ABTB3: variants seen among roughly 807,000 people sequenced by gnomAD.
ABTB3 encodes ankyrin repeat and BTB domain containing 3.
chr12:107,637,893 A>T, the ABTB3 span, among the ~76,000 whole-genome samples: 5 of 151,634 alleles, frequency 3.3e-5, no homozygotes, highest in African/African-American at 1.2e-4. Context: ...AAGTAAAAGT[A>T]GAGGATATTA....
chr12:107,367,630 C>T, the ABTB3 span, among the ~76,000 whole-genome samples: 5 of 152,116 alleles, frequency 3.3e-5, no homozygotes, highest in East Asian at 1.9e-4. Context: ...CCTCAGCCTC[C>T]GAGTAGCTGG....
At chr12:107,358,584 G>A in the ABTB3 span, among the ~76,000 whole-genome samples, 1 of 148,086 alleles carries the variant, frequency 6.8e-6, no homozygotes, top group Admixed American at 6.8e-5. Flanking sequence ...TGGGGGTGGG[G>A]TCCACCATCT....
the ABTB3 span, among the ~76,000 whole-genome samples, chr12:107,422,258 G>A: frequency 6.6e-6 from 1 of 152,158 alleles, no homozygotes. Flanking sequence ...GCATGGCCAG[G>A]GCTGAGTGAG....
the ABTB3 span, among the ~76,000 whole-genome samples, chr12:107,635,590 G>C: frequency 0.018 from 2,674 of 152,184 alleles, 94 homozygotes; most frequent in African/African-American, 0.06. Context: ...TGTGGACAAG[G>C]AGATTTGCCA....
At chr12:107,425,199 A>T in the ABTB3 span, among the ~76,000 whole-genome samples, 1 of 152,080 alleles carries the variant, frequency 6.6e-6, no homozygotes, top group Non-Finnish European at 1.5e-5. Context: ...TGCGTTTGCC[A>T]ATGCCAGCCC....
the ABTB3 span, among the ~76,000 whole-genome samples, chr12:107,428,063 G>A: frequency 5.3e-5 from 8 of 152,224 alleles, no homozygotes; most frequent in East Asian, 1.9e-4. Flanking sequence ...GCCACTTGCC[G>A]CCTCCCAAAA....
the ABTB3 span, chr12:107,318,846 C>T: frequency 1.4e-6 from 2 of 1,391,664 alleles, no homozygotes; most frequent in Non-Finnish European, 1.9e-6. Context: ...CAAGGCGGCG[C>T]GGACTCGGCT....
chr12:107,367,440 C>T, the ABTB3 span, among the ~76,000 whole-genome samples: 26 of 152,056 alleles, frequency 1.7e-4, no homozygotes, highest in Non-Finnish European at 2.4e-4. Context: ...CAGAAGTTCA[C>T]GGAAATTTTA....
the ABTB3 span, among the ~76,000 whole-genome samples, chr12:107,371,820 T>C: frequency 1.3e-5 from 2 of 152,198 alleles, no homozygotes; most frequent in East Asian, 1.9e-4. Flanking sequence ...TTGGGTTCTG[T>C]GATCATGGCA....
the ABTB3 span, among the ~76,000 whole-genome samples, chr12:107,417,870 G>T: frequency 6.6e-6 from 1 of 152,212 alleles, no homozygotes; most frequent in East Asian, 1.9e-4. Context: ...CAGCAACTCT[G>T]CAAAGCCCAG....
the ABTB3 span, chr12:107,649,483 TG>T: frequency 3.6e-6 from 2 of 561,390 alleles, no homozygotes; most frequent in Non-Finnish European, 6.4e-6. Flanking sequence ...CCTGGCAGGC[TG>T]GGGTGCTAGT....
the ABTB3 span, among the ~76,000 whole-genome samples, chr12:107,463,318 G>A: frequency 1.3e-5 from 2 of 151,992 alleles, no homozygotes; most frequent in Middle Eastern, 3.2e-3. Flanking sequence ...GATGGTGGTA[G>A]TGAGGGTGAT....
the ABTB3 span, among the ~76,000 whole-genome samples, chr12:107,574,818 G>C: frequency 6.6e-6 from 1 of 152,200 alleles, no homozygotes; most frequent in Non-Finnish European, 1.5e-5. Flanking sequence ...GTGATTCAAA[G>C]GCACAGAAAC....
the ABTB3 span, among the ~76,000 whole-genome samples, chr12:107,608,510 A>G: frequency 9.2e-5 from 14 of 152,060 alleles, no homozygotes; most frequent in African/African-American, 3.4e-4. Context: ...GTGTGTCTCA[A>G]CACCATACTT....
chr12:107,456,827 G>A, the ABTB3 span, among the ~76,000 whole-genome samples: 8 of 151,598 alleles, frequency 5.3e-5, no homozygotes, highest in Admixed American at 3.9e-4. Flanking sequence ...TTCTAGTGAC[G>A]GTGCATGTGG....
At chr12:107,436,455 G>A in the ABTB3 span, among the ~76,000 whole-genome samples, 1 of 152,232 alleles carries the variant, frequency 6.6e-6, no homozygotes, top group East Asian at 1.9e-4. Context: ...GTAGTCATGT[G>A]GTCAAAGGAG....
At chr12:107,480,200 A>G in the ABTB3 span, among the ~76,000 whole-genome samples, 38 of 152,314 alleles carry the variant, frequency 2.5e-4, no homozygotes, top group Non-Finnish European at 4.6e-4. Context: ...TAAGCACAGA[A>G]GTAGTTAGCA....
chr12:107,378,340 T>TG, the ABTB3 span, among the ~76,000 whole-genome samples: 111,935 of 152,128 alleles, frequency 0.74, 41,731 homozygotes, highest in Non-Finnish European at 0.81. Flanking sequence ...ACTGCACCAC[T>TG]GCCACCACAA....
chr12:107,435,663 A>G, the ABTB3 span, among the ~76,000 whole-genome samples: 12 of 152,248 alleles, frequency 7.9e-5, no homozygotes, highest in East Asian at 1.9e-3. Flanking sequence ...CTGAGCTGAT[A>G]CCCCTTGCTT....
Sources: allele counts gnomAD v4.1 joint callset (sites outside exome capture counted in the v4.1 genomes callset), GRCh38; gene constraint gnomAD v4.1.1; transcripts MANE v1.5; gene names NCBI Gene and HGNC (gene_info 2026-07-23, HGNC 2026-07-21).